TBATA: variants seen among roughly 807,000 people sequenced by gnomAD.
TBATA encodes the protein thymus, brain and testes associated, also known as protein TBATA.
TBATA carries 47 observed loss-of-function variants against 38.7 expected under a neutral mutation model. The observed-to-expected ratio is 1.21, with a 90% CI of 0.96 to 1.55. The LOEUF (loss-of-function observed/expected upper bound fraction) is 1.55. Ranked by LOEUF, TBATA falls within the 40% of genes most tolerant of loss-of-function variation. The probability of loss-of-function intolerance (pLI) is 0.00; values close to 1 mark genes in which losing one functional copy is unlikely to be tolerated. For synonymous variants in TBATA, 183 were observed against 170.5 expected, an observed-to-expected ratio of 1.07 and a Z score of -0.57; for missense variants, 436 against 435.6, an observed-to-expected ratio of 1.00 and a Z score of -0.01.
Position 70,777,273 on chromosome 10 carries a change from C to A in TBATA, c.573G>T (p.Arg191Ser). ...QGAKYSAETG[R>S]LIPASTRAVG... Reference sequence around the variant, plus strand: ...CAGCCCGGGTGGAAGCGGGGATGAGCCTCCCAGTCTCTGCTGAGTACTTTG... The same window carrying A: ...CAGCCCGGGTGGAAGCGGGGATGAGACTCCCAGTCTCTGCTGAGTACTTTG... Residue 191 changes from arginine (R) to serine (S), a missense_variant, in exon 7 of 11, where the codon AGG (arginine) becomes AGT (serine). Physicochemically the swap from Arg to Ser is moderately radical, Grantham distance 110 (BLOSUM62 -1). Coordinates refer to ENST00000456372, the MANE Select transcript of TBATA (RefSeq NM_001318241.2). 6.2e-7 allele frequency: 1 copy of A among 1,613,744 alleles called. No individual in the cohort carries two copies. Among genetic ancestry groups the A allele is most frequent in the Non-Finnish European group, 8.5e-7 (1 of 1,179,940 alleles).
At position 70,772,497 on chromosome 10, in the gene TBATA, A is replaced by T; in HGVS notation, c.973+17T>A. ...CCTTGGTGAGTCCCCCAAATGACCC[A>T]CTACTTGGAATCTTACCTGGTTTTT... On this transcript the variant is annotated intron_variant, in intron 10 of 10. Coordinates refer to ENST00000456372, the MANE Select transcript of TBATA (RefSeq NM_001318241.2). 1 of 1,613,876 alleles carries T rather than the reference A, an allele frequency of 6.2e-7. No individual in the cohort carries two copies. Among genetic ancestry groups the T allele is most frequent in the Non-Finnish European group, 8.5e-7 (1 of 1,179,716 alleles).
intron 9 of TBATA, among the ~76,000 whole-genome samples, chr10:70,773,296 G>A (rs1184699424): frequency 1.3e-5 from 2 of 152,032 alleles, no homozygotes; most frequent in Admixed American, 1.3e-4. Flanking sequence ...CCTCAAACTT[G>A]TCATTCCCCA....
In TBATA at chr10:70,773,468, C is replaced by CCT. The variant is rs770322572; in HGVS notation, c.920+744_920+745insAG. 2.0e-5 allele frequency among the ~76,000 whole-genome samples: 3 copies of CCT among 151,656 alleles called. No individual in the cohort carries two copies. In the East Asian group the frequency reaches 5.8e-4, roughly 29 times the overall value. ...CAGGTGACTGTTAAAAATACAGGCC[C>CCT]CCCCGGCTTCACCCCGGCCTGCTAT... On this transcript the variant is annotated intron_variant, in intron 9 of 10. Coordinates refer to ENST00000456372, the MANE Select transcript of TBATA (RefSeq NM_001318241.2).
In TBATA at chr10:70,780,949, T is replaced by C. The variant is rs560814021; in HGVS notation, c.277+852A>G. On this transcript the variant is annotated intron_variant, in intron 4 of 10. Coordinates refer to ENST00000456372, the MANE Select transcript of TBATA (RefSeq NM_001318241.2). ...ACTTAAGACAGAGGCCAGGATGACC[T>C]TGTTAAAACATCTCACTTCTGTGCT... Among the ~76,000 whole-genome samples, 7 of 152,350 alleles carry C rather than the reference T, an allele frequency of 4.6e-5. No individual in the cohort carries two copies. The East Asian group carries it at 1.3e-3, about 29-fold the overall frequency.
At position 70,781,932 on chromosome 10, in the gene TBATA, A is replaced by G. The variant is rs369227547; in HGVS notation, c.146T>C (p.Phe49Ser). 7 of 1,614,166 alleles carry G rather than the reference A, an allele frequency of 4.3e-6. No homozygotes were observed. The East Asian group carries it at 8.9e-5, about 21-fold the overall frequency. ...CCTCAATGCCCGGCGGATCCGCTCG[A>G]AATCCACAATCCCTGGGATCACCAG... ...KELVIPGIVDFERIRRALRTP... is the reference protein window; with the variant it reads ...KELVIPGIVDSERIRRALRTP... Residue 49 changes from phenylalanine (F) to serine (S), a missense_variant, in exon 4 of 11, where the codon TTC (phenylalanine) becomes TCC (serine). Phe to Ser is a radical substitution (Grantham distance 155, BLOSUM62 -2). Transcript: ENST00000456372.
chr10:70,773,901 C>T (rs1173171108), intron 9 of TBATA, among the ~76,000 whole-genome samples: 1 of 152,242 alleles, frequency 6.6e-6, no homozygotes, highest in African/African-American at 2.4e-5. Flanking sequence ...CTACTCATGT[C>T]TTCCCATAGA....
chr10:70,778,328 C>T (rs1843687736), intron 6 of TBATA, among the ~76,000 whole-genome samples: 1 of 152,152 alleles, frequency 6.6e-6, no homozygotes, highest in Admixed American at 6.5e-5. Flanking sequence ...TTGTGAACAT[C>T]TCACTTAGAT....
intron 6 of TBATA, among the ~76,000 whole-genome samples, 176 bp from the exon 7 acceptor site, chr10:70,777,514 C>G (rs1201444860): frequency 6.6e-6 from 1 of 152,098 alleles, no homozygotes; most frequent in Non-Finnish European, 1.5e-5. Flanking sequence ...ACCCCCCCAA[C>G]CTCACCTGCC....
At chr10:70,772,478 T>C (rs1315848944) in intron 10 of TBATA, 36 bp downstream of exon 10, 2 of 1,606,702 alleles carry the variant, frequency 1.2e-6, no homozygotes, top group South Asian at 2.2e-5. Context: ...TGGGCCTTGG[T>C]GAGTCCCCCA....
At position 70,774,134 on chromosome 10, in the gene TBATA, G is replaced by A. The variant is rs531488986; in HGVS notation, c.920+79C>T. On this transcript the variant is annotated intron_variant, in intron 9 of 10. Coordinates refer to ENST00000456372, the MANE Select transcript of TBATA (RefSeq NM_001318241.2). ...CAGCCCAGACCCTGGTCAGCGCCAG[G>A]CTCCCTTCTCCAGGTCCCACTGGCC... 4.7e-5 allele frequency: 74 copies of A among 1,565,888 alleles called. No homozygotes were observed. The South Asian group carries it at 7.7e-4, about 16-fold the overall frequency.
At chr10:70,779,202 C>T (rs1843817602) in intron 5 of TBATA, among the ~76,000 whole-genome samples, 2 of 152,350 alleles carry the variant, frequency 1.3e-5, no homozygotes, top group African/African-American at 4.8e-5. Flanking sequence ...GAGCAGAGAC[C>T]TCTGAAACGC....
chr10:70,778,255 C>A (rs34343228), intron 6 of TBATA, among the ~76,000 whole-genome samples: 15,191 of 152,082 alleles, frequency 0.1, 971 homozygotes, highest in Non-Finnish European at 0.14. Context: ...CTGATGGTGC[C>A]CTGCATTTGC....
intron 9 of TBATA, among the ~76,000 whole-genome samples, chr10:70,773,507 G>A (rs896548700): frequency 1.3e-5 from 2 of 150,966 alleles, no homozygotes; most frequent in African/African-American, 2.4e-5. Context: ...AGAATCTTTA[G>A]GGGTCTGCAT....
At chr10:70,781,742 G>C in intron 4 of TBATA, 59 bp downstream of exon 4, 1 of 1,488,588 alleles carries the variant, frequency 6.7e-7, no homozygotes, top group Non-Finnish European at 9.3e-7. Flanking sequence ...TTGCTTCCCA[G>C]TTCTCAAGAC....
chr10:70,778,794 C>T lies in TBATA; in HGVS notation c.428-158G>A, dbSNP rs757183014. On this transcript the variant is annotated intron_variant, in intron 5 of 10. Transcript: ENST00000456372. ...GGCGGTGCCCTGGAGGGAGAAGGAT[C>T]TGGATTCACACCATGGGTGGTGGTT... is the stretch of plus-strand genomic sequence containing the variant. The T allele has an allele frequency of 2.7e-5, 19 of 704,974 alleles. No homozygotes were observed. In the South Asian group the frequency reaches 2.8e-4, roughly 10 times the overall value. 43.7% of individuals were successfully genotyped at this position (704,974 alleles called of 1,614,324 possible). A position where few individuals can be genotyped will look rare whatever the true frequency, so the allele number is the denominator to read the frequency against.
At chr10:70,781,764 ACTCC>A in intron 4 of TBATA, 33 bp downstream of exon 4, 8 of 1,572,448 alleles carry the variant, frequency 5.1e-6, no homozygotes, top group African/African-American at 1.4e-5. Context: ...AATTAGTGAT[ACTCC>A]CTCTGCTCCC....
intron 5 of TBATA, 34 bp downstream of exon 5, chr10:70,779,559 C>T (rs376098344): frequency 2.8e-6 from 4 of 1,452,824 alleles, no homozygotes; most frequent in Non-Finnish European, 3.6e-6. Context: ...GGCATGAGCC[C>T]CAGGGTAGAG....
chr10:70,778,032 C>G (rs1156412765), intron 6 of TBATA, among the ~76,000 whole-genome samples: 1 of 152,222 alleles, frequency 6.6e-6, no homozygotes, highest in Non-Finnish European at 1.5e-5. Flanking sequence ...ATTCCAGTCA[C>G]CTTCAAGCTG....
intron 6 of TBATA, 91 bp from the exon 7 acceptor site, chr10:70,777,429 A>G: frequency 8.2e-7 from 1 of 1,224,482 alleles, no homozygotes; most frequent in Admixed American, 2.2e-5. Context: ...CCGGGTCACA[A>G]TCCCAGGGCA....
Sources: gnomAD v4.1 joint callset for allele counts (sites outside exome capture counted in the v4.1 genomes callset) on GRCh38, gnomAD v4.1.1 for gene constraint, MANE v1.5 for transcripts, NCBI Gene and HGNC (gene_info 2026-07-23, HGNC 2026-07-21) for gene names.